Variants in TCAIM observed in about 807,000 individuals in gnomAD.
TCAIM encodes T cell activation inhibitor, mitochondrial.
A neutral mutation model predicts 58.6 loss-of-function variants in TCAIM; 36 were observed. That is an observed-to-expected ratio of 0.61 (90% CI 0.47 to 0.81). TCAIM has a LOEUF of 0.81. Among genes scored for constraint, TCAIM ranks in the 30% least tolerant of loss-of-function variants. The pLI is 0.00. For synonymous variants in TCAIM, 172 were observed against 193.6 expected, an observed-to-expected ratio of 0.89 and a Z score of 0.93; for missense variants, 466 against 579.6, an observed-to-expected ratio of 0.80 and a Z score of 2.01.
chr3:44,360,496 T>C (rs1363713150), intron 3 of TCAIM, among the ~76,000 whole-genome samples: 1 of 151,978 alleles, frequency 6.6e-6, no homozygotes, highest in Non-Finnish European at 1.5e-5. Context: ...ACATTGTGGG[T>C]TTAAAAAAAA....
At position 44,396,837 on chromosome 3, in the gene TCAIM, A is replaced by G. The variant is rs1378917198; in HGVS notation, c.885+3A>G. 1.2e-6 allele frequency: 2 copies of G among 1,612,516 alleles called. No individual in the cohort carries two copies. Among genetic ancestry groups the G allele is most frequent in the African/African-American group, 2.7e-5 (2 of 74,902 alleles). On this transcript the variant is annotated splice_donor_region_variant and intron_variant, in intron 8 of 10. Transcript: ENST00000342649. ...ATGTCCATCACCACTGGACAAAAGT[A>G]AGAAAGAGCCTTAAAATTAAAAACT... is the stretch of plus-strand genomic sequence containing the variant.
At chr3:44,374,319 T>G (rs1701530687) in intron 5 of TCAIM, among the ~76,000 whole-genome samples, 1 of 151,566 alleles carries the variant, frequency 6.6e-6, no homozygotes. Context: ...CTATATATTG[T>G]GAATGCATTT....
intron 1 of TCAIM, among the ~76,000 whole-genome samples, chr3:44,342,531 A>C (rs1700874769): frequency 1.3e-5 from 2 of 152,176 alleles, no homozygotes; most frequent in Admixed American, 1.3e-4. Flanking sequence ...TTTATCAATC[A>C]AATTTTTTTT....
rs114944831 is a variant in TCAIM at position 44,404,736 on chromosome 3, T to C, written c.1251-2706T>C. Among the ~76,000 whole-genome samples the C allele has an allele frequency of 9.0e-3, 1,359 of 151,742 alleles. 20 individuals are homozygous for C. The highest frequency in any genetic ancestry group is 0.032 in the African/African-American group (1,311 of 41,452). On this transcript the variant is annotated intron_variant, in intron 10 of 10. Coordinates refer to ENST00000342649, the MANE Select transcript of TCAIM (RefSeq NM_173826.4). ...TGGTTTTCAGATACTTTTTCACTTATAAGGTGGATTCTTAAGTGGAAACAT... is the reference window on the plus strand; with the variant it reads ...TGGTTTTCAGATACTTTTTCACTTACAAGGTGGATTCTTAAGTGGAAACAT...
chr3:44,400,536 GA>G lies in TCAIM; in HGVS notation c.1069del (p.Ile357TyrfsTer13), dbSNP rs754074731. ...DVFYNRLLKS[R>X]ILFHPRSLRG... ...TTTTATAATAGACTGTTGAAAAGTA[GA>G]ATACTATTTCACCCTCGAAGTTTGC... On this transcript the variant is annotated frameshift_variant, in exon 9 of 11. Transcript: ENST00000342649. LOFTEE classifies it high-confidence loss of function. The G allele has an allele frequency of 6.2e-7, 1 of 1,613,614 alleles. No individual in the cohort carries two copies. Among genetic ancestry groups the G allele is most frequent in the South Asian group, 1.1e-5 (1 of 91,048 alleles).
intron 5 of TCAIM, among the ~76,000 whole-genome samples, chr3:44,384,638 T>C (rs893915794): frequency 3.3e-5 from 5 of 152,194 alleles, no homozygotes; most frequent in Non-Finnish European, 7.3e-5. Context: ...TTACTTCCAG[T>C]TTTCATAGTT....
At chr3:44,355,473 A>G (rs947194157) in intron 2 of TCAIM, among the ~76,000 whole-genome samples, 20 of 152,258 alleles carry the variant, frequency 1.3e-4, no homozygotes, top group African/African-American at 4.8e-4. Flanking sequence ...TGTTTGAGTA[A>G]GGAATACAGT....
At chr3:44,405,951 CAAAAAAAAAAAA>C (rs10579882) in intron 10 of TCAIM, among the ~76,000 whole-genome samples, 8 of 113,016 alleles carry the variant, frequency 7.1e-5, no homozygotes, top group African/African-American at 2.0e-4. Context: ...GACTCCATCT[CAAAAAAAAAAAA>C]AAAAAAAAAT....
intron 5 of TCAIM, among the ~76,000 whole-genome samples, chr3:44,391,667 G>T (rs1445966189): frequency 6.6e-6 from 1 of 152,186 alleles, no homozygotes. Flanking sequence ...GAGCACCAGG[G>T]TAGTGAAGAG....
At position 44,361,407 on chromosome 3, in the gene TCAIM, G is replaced by A. The variant is rs1701293433; in HGVS notation, c.208G>A (p.Glu70Lys). 6.2e-7 allele frequency: 1 copy of A among 1,612,060 alleles called. No homozygotes were observed. The highest frequency in any genetic ancestry group is 8.5e-7 in the Non-Finnish European group (1 of 1,179,318). The stretch of plus-strand genomic sequence containing the variant: ...TCTTAAAAGGTTAAGTGTCTACCTA[G>A]AAAACCTCCAGAAACCAGGCTTCAA... Reference protein sequence around the residue: ...NSLKRLSVYLENLQKPGFKSL... With the variant: ...NSLKRLSVYLKNLQKPGFKSL... The change falls in exon 4 of 11, where the codon GAA becomes AAA. Residue 70 changes from glutamate (E) to lysine (K), a missense_variant. Glu to Lys is a moderately conservative substitution (Grantham distance 56, BLOSUM62 1). Transcript: ENST00000342649.
At chr3:44,396,950 T>C in intron 8 of TCAIM, 116 bp downstream of exon 8, 2 of 916,434 alleles carry the variant, frequency 2.2e-6, no homozygotes, top group Non-Finnish European at 3.2e-6. Context: ...TTTTGTTTTT[T>C]AATGTTTTTA....
rs150053179 is a variant in TCAIM at position 44,375,737 on chromosome 3, C to T, written c.572+8029C>T. 4.1e-3 allele frequency among the ~76,000 whole-genome samples: 622 copies of T among 152,308 alleles called. 9 individuals carry two copies. Among genetic ancestry groups the T allele is most frequent in the African/African-American group, 0.014 (594 of 41,556 alleles). ...GTGAGCAGGTAGGGAAATTGGAACTCTCCTCCATATAAAATGGTGCAGCTG... is the reference window on the plus strand; with the variant it reads ...GTGAGCAGGTAGGGAAATTGGAACTTTCCTCCATATAAAATGGTGCAGCTG... On this transcript the variant is annotated intron_variant, in intron 5 of 10. Coordinates refer to ENST00000342649, the MANE Select transcript of TCAIM (RefSeq NM_173826.4).
chr3:44,386,392 C>T (rs533761170), intron 5 of TCAIM, among the ~76,000 whole-genome samples: 8 of 152,282 alleles, frequency 5.3e-5, no homozygotes, highest in East Asian at 3.9e-4. Flanking sequence ...GCAGGAGAGA[C>T]GTGTCCGGGG....
At chr3:44,341,778 C>T (rs930690717) in intron 1 of TCAIM, among the ~76,000 whole-genome samples, 9 of 152,122 alleles carry the variant, frequency 5.9e-5, no homozygotes, top group African/African-American at 2.2e-4. Flanking sequence ...TATGCATATT[C>T]TACTTAAGCT....
chr3:44,348,638 G>T (rs1296474058), intron 1 of TCAIM, among the ~76,000 whole-genome samples: 1 of 152,206 alleles, frequency 6.6e-6, no homozygotes, highest in Non-Finnish European at 1.5e-5. Flanking sequence ...TGAAGGCAAG[G>T]TTATTTAAGT....
At chr3:44,346,607 A>G (rs546079732) in intron 1 of TCAIM, among the ~76,000 whole-genome samples, 13 of 152,340 alleles carry the variant, frequency 8.5e-5, no homozygotes, top group African/African-American at 2.9e-4. Flanking sequence ...TGGAAAGGAA[A>G]TGAGAGATTC....
intron 10 of TCAIM, among the ~76,000 whole-genome samples, chr3:44,404,223 G>T (rs1254037260): frequency 1.3e-5 from 2 of 152,030 alleles, no homozygotes; most frequent in African/African-American, 2.4e-5. Flanking sequence ...ACCCTCTGCT[G>T]CACTCCCCTC....
At chr3:44,403,473 T>C (rs1702053556) in intron 10 of TCAIM, among the ~76,000 whole-genome samples, 1 of 152,212 alleles carries the variant, frequency 6.6e-6, no homozygotes, top group African/African-American at 2.4e-5. Flanking sequence ...TAAGTATTTG[T>C]TCATGCTATT....
In TCAIM at chr3:44,364,212, C is replaced by T. The variant is rs146671907; in HGVS notation, c.319+2694C>T. Among the ~76,000 whole-genome samples the T allele has an allele frequency of 8.9e-3, 1,342 of 150,468 alleles. 20 individuals carry two copies. The highest frequency in any genetic ancestry group is 0.032 in the African/African-American group (1,296 of 40,918). On this transcript the variant is annotated intron_variant, in intron 4 of 10. Coordinates refer to ENST00000342649, the MANE Select transcript of TCAIM (RefSeq NM_173826.4). ...AAAGTGCTGGTGTTACAGGCATGAG[C>T]CACCGCACCTGGCTGAGACTGTCAT...
Sources: allele counts gnomAD v4.1 joint callset (sites outside exome capture counted in the v4.1 genomes callset), GRCh38; gene constraint gnomAD v4.1.1; transcripts MANE v1.5; gene names NCBI Gene and HGNC (gene_info 2026-07-23, HGNC 2026-07-21).